Variants in PCP4 observed in about 807,000 individuals in gnomAD.
PCP4 encodes the protein Purkinje cell protein 4, also known as calmodulin regulator protein PCP4.
A neutral mutation model predicts 10.0 loss-of-function variants in PCP4; 8 were observed. The observed-to-expected ratio is 0.80, with a 90% CI of 0.47 to 1.45. The LOEUF (loss-of-function observed/expected upper bound fraction) is 1.45. PCP4 is among the 40% of genes most tolerant of loss of function. The pLI, the probability that PCP4 is intolerant of heterozygous loss-of-function variation, is 0.00. For synonymous variants in PCP4, 21 were observed against 23.0 expected (o/e 0.91, Z 0.24); for missense variants, 54 against 74.4 (o/e 0.73, Z 1.01).
chr21:39,928,237 G>T (rs766560699), intron 2 of PCP4, among the ~76,000 whole-genome samples: 21 of 152,072 alleles, frequency 1.4e-4, no homozygotes, highest in Non-Finnish European at 2.5e-4. Context: ...TACCTTCCAC[G>T]ACTGAAGAAT....
At chr21:39,908,626 C>G (rs2087524333) in intron 2 of PCP4, among the ~76,000 whole-genome samples, 1 of 152,134 alleles carries the variant, frequency 6.6e-6, no homozygotes, top group Non-Finnish European at 1.5e-5. Context: ...AGGCTCTGCT[C>G]CCACTGAGCA....
chr21:39,874,870 C>T (rs141012171), intron 1 of PCP4, among the ~76,000 whole-genome samples: 113 of 152,132 alleles, frequency 7.4e-4, no homozygotes, highest in East Asian at 3.9e-3. Context: ...TTTTTCCATC[C>T]GATAATACCT....
In PCP4 at chr21:39,902,190, TA is replaced by T. The variant is rs996154885; in HGVS notation, c.61+3670del. On this transcript the variant is annotated intron_variant, in intron 2 of 2. Coordinates refer to ENST00000328619, the MANE Select transcript of PCP4 (RefSeq NM_006198.3). ...CCTTGAGTATTGAAATATGAAGTAT[TA>T]AAAAAACCATCAAAATGTTATGAAA... Among the ~76,000 whole-genome samples the T allele has an allele frequency of 5.3e-5, 8 of 152,154 alleles. 1 individual carries two copies. The highest frequency in any genetic ancestry group is 1.9e-4 in the African/African-American group (8 of 41,432).
At chr21:39,915,742 A>C (rs2087565859) in intron 2 of PCP4, among the ~76,000 whole-genome samples, 1 of 152,214 alleles carries the variant, frequency 6.6e-6, no homozygotes, top group Non-Finnish European at 1.5e-5. Flanking sequence ...GTGTCTGTTA[A>C]TTTTATCGTA....
chr21:39,887,044 T>C (rs1171122921), intron 1 of PCP4, among the ~76,000 whole-genome samples: 1 of 152,110 alleles, frequency 6.6e-6, no homozygotes, highest in African/African-American at 2.4e-5. Flanking sequence ...AAGTAGAAAA[T>C]GCGAATTTTA....
intron 1 of PCP4, among the ~76,000 whole-genome samples, chr21:39,880,627 T>C (rs2087371030): frequency 6.6e-6 from 1 of 152,236 alleles, no homozygotes. Context: ...TGGCCAGTTT[T>C]GTCCCACGTC....
At chr21:39,891,818 A>G (rs1649542416) in intron 1 of PCP4, among the ~76,000 whole-genome samples, 2 of 152,356 alleles carry the variant, frequency 1.3e-5, no homozygotes, top group African/African-American at 2.4e-5. Flanking sequence ...TCTTCTCTGC[A>G]CTTATAAGAA....
chr21:39,880,448 T>C (rs1226176617), intron 1 of PCP4, among the ~76,000 whole-genome samples: 1 of 152,026 alleles, frequency 6.6e-6, no homozygotes, highest in South Asian at 2.1e-4. Flanking sequence ...TGTACATCTG[T>C]GTGTGCGTGT....
intron 1 of PCP4, among the ~76,000 whole-genome samples, chr21:39,875,375 A>T (rs995067467): frequency 1.3e-5 from 2 of 152,018 alleles, no homozygotes; most frequent in Non-Finnish European, 2.9e-5. Context: ...CTGAGGGGTG[A>T]CAGCATACAC....
intron 2 of PCP4, among the ~76,000 whole-genome samples, chr21:39,900,584 T>C (rs926670390): frequency 6.6e-6 from 1 of 152,138 alleles, no homozygotes; most frequent in Non-Finnish European, 1.5e-5. Context: ...GTAACAAGCA[T>C]GCAGTTTACA....
intron 1 of PCP4, among the ~76,000 whole-genome samples, chr21:39,878,434 G>T (rs1440046877): frequency 6.6e-6 from 1 of 152,160 alleles, no homozygotes; most frequent in Non-Finnish European, 1.5e-5. Context: ...TGTCCATTAT[G>T]ATACTGTAGT....
chr21:39,922,034 TAG>T (rs891390003), intron 2 of PCP4, among the ~76,000 whole-genome samples: 3 of 152,156 alleles, frequency 2.0e-5, no homozygotes, highest in African/African-American at 7.2e-5. Context: ...TTAAAAAAAA[TAG>T]AGACAGGATC....
chr21:39,891,653 C>T (rs1032271461), intron 1 of PCP4, among the ~76,000 whole-genome samples: 3 of 152,150 alleles, frequency 2.0e-5, no homozygotes, highest in Admixed American at 6.5e-5. Context: ...CTGGGCTGGC[C>T]GTTATTTATT....
Position 39,929,292 on chromosome 21 carries a change from TG to T in PCP4, c.*183del, listed in dbSNP as rs1370755998. On this transcript the variant is annotated 3_prime_UTR_variant, in exon 3 of 3. Coordinates refer to ENST00000328619, the MANE Select transcript of PCP4 (RefSeq NM_006198.3). ...TACCCTTGTAGGAAGGTATAGACAA[TG>T]GAATTGTGAGTAGCTTAATCTCTAT... is the stretch of plus-strand genomic sequence containing the variant. 1 of 446,506 alleles carries T rather than the reference TG, an allele frequency of 2.2e-6. No individual in the cohort carries two copies. Among genetic ancestry groups the T allele is most frequent in the African/African-American group, 2.0e-5 (1 of 49,560 alleles). The allele number at this position is 446,506 out of a possible 1,614,324, so 27.7% of individuals were successfully genotyped here. A position where few individuals can be genotyped will look rare whatever the true frequency, so the allele number is the denominator to read the frequency against.
At chr21:39,892,673 T>A (rs2087438608) in intron 1 of PCP4, among the ~76,000 whole-genome samples, 1 of 152,230 alleles carries the variant, frequency 6.6e-6, no homozygotes, top group African/African-American at 2.4e-5. Context: ...GAGAATGGGG[T>A]ATGCATTCCC....
At chr21:39,910,875 T>C (rs1445926580) in intron 2 of PCP4, among the ~76,000 whole-genome samples, 4 of 152,218 alleles carry the variant, frequency 2.6e-5, no homozygotes, top group Admixed American at 1.3e-4. Flanking sequence ...GGGTGGGGCT[T>C]GGGTGAATTC....
chr21:39,922,464 A>G (rs1399570247), intron 2 of PCP4, among the ~76,000 whole-genome samples: 2 of 152,210 alleles, frequency 1.3e-5, no homozygotes, highest in Non-Finnish European at 2.9e-5. Flanking sequence ...AAATGTCTAT[A>G]CTAGTGCAAA....
chr21:39,878,845 T>A (rs932467176), intron 1 of PCP4, among the ~76,000 whole-genome samples: 13 of 152,184 alleles, frequency 8.5e-5, no homozygotes, highest in African/African-American at 3.1e-4. Flanking sequence ...CCTGTATTTA[T>A]AACTCTGCTC....
At position 39,883,544 on chromosome 21, in the gene PCP4, C is replaced by T. The variant is rs910381900; in HGVS notation, c.10-14932C>T. On this transcript the variant is annotated intron_variant, in intron 1 of 2. Transcript: ENST00000328619. ...AAACTTCAGCTGAAATTAACAACTT[C>T]GTAACACAGGTAGAGCCTACGTCCT... is the stretch of plus-strand genomic sequence containing the variant. 8 of 152,318 alleles carry T rather than the reference C, an allele frequency of 5.3e-5. No homozygotes were observed. In the East Asian group the frequency reaches 5.8e-4, roughly 11 times the overall value. 9.4% of individuals were successfully genotyped at this position (152,318 alleles called of 1,614,324 possible).
Sources: gnomAD v4.1 joint callset for allele counts (sites outside exome capture counted in the v4.1 genomes callset) on GRCh38, gnomAD v4.1.1 for gene constraint, MANE v1.5 for transcripts, NCBI Gene and HGNC (gene_info 2026-07-23, HGNC 2026-07-21) for gene names.